EPS15L1: variants seen among roughly 807,000 people sequenced by gnomAD.
EPS15L1 encodes the protein epidermal growth factor receptor substrate 15-like 1.
A neutral mutation model predicts 117.1 loss-of-function variants in EPS15L1; 43 were observed. That is an observed-to-expected ratio of 0.37 (90% CI 0.29 to 0.47). EPS15L1 has a LOEUF of 0.47. Among genes scored for constraint, EPS15L1 ranks in the 20% least tolerant of loss-of-function variants. The probability of loss-of-function intolerance (pLI) is 0.99; values close to 1 mark genes in which losing one functional copy is unlikely to be tolerated. For synonymous variants in EPS15L1, 459 were observed against 470.5 expected (o/e 0.98, Z 0.32); for missense variants, 981 against 1,164.0 (o/e 0.84, Z 2.29).
At chr19:16,434,620 G>T in intron 6 of EPS15L1, 130 bp from the exon 7 acceptor site, 1 of 978,134 alleles carries the variant, frequency 1.0e-6, no homozygotes, top group Non-Finnish European at 1.5e-6. Context: ...AGCACAAAAT[G>T]ATCTTAGAAC....
At chr19:16,377,935 C>T (rs1347614108) in intron 21 of EPS15L1, among the ~76,000 whole-genome samples, 1 of 152,230 alleles carries the variant, frequency 6.6e-6, no homozygotes, top group African/African-American at 2.4e-5. Context: ...ATCCTCCACC[C>T]CACACCTGCT....
At chr19:16,363,326 C>T (rs2144638036) in intron 22 of EPS15L1, among the ~76,000 whole-genome samples, 1 of 152,304 alleles carries the variant, frequency 6.6e-6, no homozygotes, top group South Asian at 2.1e-4. Flanking sequence ...CCTGTCCCTC[C>T]AGGGTTGACC....
At chr19:16,421,542 T>C (rs2092814060) in intron 9 of EPS15L1, 66 bp from the exon 10 acceptor site, 1 of 1,520,252 alleles carries the variant, frequency 6.6e-7, no homozygotes, top group Non-Finnish European at 9.0e-7. Flanking sequence ...ACATGCTTTT[T>C]GATGATGGGG....
Position 16,381,949 on chromosome 19 carries a change from G to A in EPS15L1, c.2247+3180C>T, listed in dbSNP as rs1212991507. Reference sequence around the variant, plus strand: ...CTTCTGGGCCACATCTCCAGACTCGGAGTGGGGCCTCGGTTCCAGTGGCTG... The same window carrying A: ...CTTCTGGGCCACATCTCCAGACTCGAAGTGGGGCCTCGGTTCCAGTGGCTG... On this transcript the variant is annotated intron_variant, in intron 21 of 23. Coordinates refer to ENST00000455140, the MANE Select transcript of EPS15L1 (RefSeq NM_001258374.3). The surrounding 1 kb of genome is among the most constrained non-coding windows in gnomAD (Gnocchi z 4.2). 6.6e-6 allele frequency among the ~76,000 whole-genome samples: 1 copy of A among 152,216 alleles called. No homozygotes were observed. Among genetic ancestry groups the A allele is most frequent in the Non-Finnish European group, 1.5e-5 (1 of 68,034 alleles).
chr19:16,403,736 G>T lies in EPS15L1; in HGVS notation c.1623C>A (p.Asn541Lys). ...KSLKSTQDEI[N>K]QARSKLSQLH... ...GGGACCCGACTCCGTGAAGTACCTG[G>T]TTGATTTCGTCTTGCGTTGACTTCA... Residue 541 changes from asparagine (N) to lysine (K), a missense_variant, in exon 15 of 24, where the codon AAC becomes AAA. By Grantham distance (94) the Asn-to-Lys change is moderately conservative. Transcript: ENST00000455140. The T allele has an allele frequency of 6.2e-7, 1 of 1,612,210 alleles. No homozygotes were observed. Among genetic ancestry groups the T allele is most frequent in the South Asian group, 1.1e-5 (1 of 91,084 alleles).
chr19:16,355,982 G>A, intron 23 of EPS15L1, 131 bp from the exon 24 acceptor site: 2 of 1,141,216 alleles, frequency 1.8e-6, no homozygotes, highest in East Asian at 2.6e-5. Context: ...ATGTGCAGGG[G>A]ATAAGCATGT....
At chr19:16,414,141 C>A (rs1599606783) in intron 12 of EPS15L1, among the ~76,000 whole-genome samples, 1 of 152,098 alleles carries the variant, frequency 6.6e-6, no homozygotes, top group African/African-American at 2.4e-5. Context: ...GGACCCAGAG[C>A]GCCCTTGCTG....
In EPS15L1 at chr19:16,361,551, C is replaced by A. The variant is rs1371823023; in HGVS notation, c.2586+228G>T. The A allele has an allele frequency of 4.0e-6, 5 of 1,258,132 alleles. No homozygotes were observed. The African/African-American group carries it at 7.6e-5, about 19-fold the overall frequency. 77.9% of individuals were successfully genotyped at this position (1,258,132 alleles called of 1,614,324 possible). ...GTCCCGCCTCCCTGCTGGAAGAAAACGTGCCCTTATGATAGAGCATCCAAA... is the reference window on the plus strand; with the variant it reads ...GTCCCGCCTCCCTGCTGGAAGAAAAAGTGCCCTTATGATAGAGCATCCAAA... On this transcript the variant is annotated intron_variant, in intron 23 of 23. Coordinates refer to ENST00000455140, the MANE Select transcript of EPS15L1 (RefSeq NM_001258374.3).
At chr19:16,361,559 T>G (rs2144628721) in intron 23 of EPS15L1, 1 of 1,299,676 alleles carries the variant, frequency 7.7e-7, no homozygotes, top group African/African-American at 1.5e-5. Flanking sequence ...AACGTGCCCT[T>G]ATGATAGAGC....
At chr19:16,453,915 C>T (rs1273508789) in intron 1 of EPS15L1, among the ~76,000 whole-genome samples, 2 of 150,304 alleles carry the variant, frequency 1.3e-5, no homozygotes, top group Non-Finnish European at 2.9e-5. Context: ...ATTTGATGTG[C>T]TTCTGCCTTG....
intron 22 of EPS15L1, among the ~76,000 whole-genome samples, chr19:16,368,684 C>T (rs565259140): frequency 3.3e-5 from 5 of 152,242 alleles, no homozygotes; most frequent in African/African-American, 1.2e-4. Context: ...ACAAAACCAT[C>T]ATTCACCCTA....
rs1213285598 is a variant in EPS15L1, at chr19:16,355,610, C to T, written c.*95G>A. ...CCCCCGAGTCCCGGTCCTTGGAGTACGGTGGCGACGGTGTGTGTGTGTATA... is the reference window on the plus strand; with the variant it reads ...CCCCCGAGTCCCGGTCCTTGGAGTATGGTGGCGACGGTGTGTGTGTGTATA... On this transcript the variant is annotated 3_prime_UTR_variant, in exon 24 of 24. Transcript: ENST00000455140. The T allele has an allele frequency of 3.6e-6, 5 of 1,403,766 alleles. No homozygotes were observed. The highest frequency in any genetic ancestry group is 4.8e-6 in the Non-Finnish European group (5 of 1,051,694). 87.0% of individuals were successfully genotyped at this position (1,403,766 alleles called of 1,614,324 possible).
intron 1 of EPS15L1, among the ~76,000 whole-genome samples, chr19:16,445,346 C>G (rs1180473855): frequency 6.6e-6 from 1 of 152,220 alleles, no homozygotes; most frequent in Non-Finnish European, 1.5e-5. Context: ...GGGAGTATGG[C>G]TCAACCATTG....
intron 23 of EPS15L1, among the ~76,000 whole-genome samples, chr19:16,360,092 A>G (rs2092032052): frequency 6.6e-6 from 1 of 151,388 alleles, no homozygotes; most frequent in Admixed American, 6.6e-5. Flanking sequence ...CTTTTCGAAA[A>G]AACGAGCCCT....
chr19:16,457,956 T>G (rs939045284), intron 1 of EPS15L1, among the ~76,000 whole-genome samples: 2 of 151,822 alleles, frequency 1.3e-5, no homozygotes, highest in African/African-American at 4.8e-5. Context: ...AAGGGCCCAC[T>G]TCCCAGAGTC....
At chr19:16,410,787 C>CCTA (rs1437762249) in intron 13 of EPS15L1, among the ~76,000 whole-genome samples, 1 of 152,066 alleles carries the variant, frequency 6.6e-6, no homozygotes, top group Non-Finnish European at 1.5e-5. Flanking sequence ...GTGGTGCATG[C>CCTA]CTGTAGTCCC....
chr19:16,417,610 C>T lies in EPS15L1; in HGVS notation c.1135G>A (p.Glu379Lys), dbSNP rs2092771249. The T allele has an allele frequency of 6.2e-7, 1 of 1,614,024 alleles. No individual in the cohort carries two copies. The highest frequency in any genetic ancestry group is 8.5e-7 in the Non-Finnish European group (1 of 1,179,996). The change falls in exon 12 of 24, where the codon GAG becomes AAG. Residue 379 changes from glutamate (E) to lysine (K), a missense_variant. Physicochemically the swap from Glu to Lys is moderately conservative, Grantham distance 56. Transcript: ENST00000455140. ...PDSSGSLGSG[E>K]FTGVKELDDI... Reference sequence around the variant, plus strand: ...TCAAGCTCCTTCACGCCAGTAAACTCCCCGGAGCCGAGAGAGCCTGAACTG... The same window carrying T: ...TCAAGCTCCTTCACGCCAGTAAACTTCCCGGAGCCGAGAGAGCCTGAACTG...
intron 15 of EPS15L1, among the ~76,000 whole-genome samples, chr19:16,403,232 C>T (rs1176583460): frequency 1.3e-5 from 2 of 152,194 alleles, no homozygotes; most frequent in Non-Finnish European, 2.9e-5. Context: ...AAGCCAGCGC[C>T]CCCCCCTGGA....
At chr19:16,410,674 C>T (rs1013792361) in intron 13 of EPS15L1, among the ~76,000 whole-genome samples, 1 of 152,126 alleles carries the variant, frequency 6.6e-6, no homozygotes, top group African/African-American at 2.4e-5. Context: ...CTCTGGGAGG[C>T]CGAGGCAGGC....
Sources: allele counts gnomAD v4.1 joint callset (sites outside exome capture counted in the v4.1 genomes callset), GRCh38; gene constraint gnomAD v4.1.1; non-coding constraint Gnocchi (gnomAD v3.1); transcripts MANE v1.5; gene names NCBI Gene and HGNC (gene_info 2026-07-23, HGNC 2026-07-21).